Variants in HDAC9 observed in about 807,000 individuals in gnomAD.
HDAC9 encodes the protein histone deacetylase 9.
A neutral mutation model predicts 139.4 loss-of-function variants in HDAC9; 41 were observed. That is an observed-to-expected ratio of 0.29 (90% CI 0.23 to 0.38). The LOEUF (loss-of-function observed/expected upper bound fraction) is 0.38, where lower values mean the gene tolerates loss of function less well. Among genes scored for constraint, HDAC9 ranks in the 10% least tolerant of loss-of-function variants. The pLI, the probability that HDAC9 is intolerant of heterozygous loss-of-function variation, is 1.00. For missense variants in HDAC9, 1,147 were observed against 1,297.0 expected, an observed-to-expected ratio of 0.88 and a Z score of 1.78; for synonymous variants, 517 against 476.2, an observed-to-expected ratio of 1.09 and a Z score of -1.12.
In HDAC9 at chr7:18,972,569, C is replaced by T. The variant is rs528288772; in HGVS notation, c.3023-3237C>T. On this transcript the variant is annotated intron_variant, in intron 24 of 25. Coordinates refer to ENST00000686413, the MANE Select transcript of HDAC9 (RefSeq NM_178425.4). Reference sequence around the variant, plus strand: ...ATATTTTTTGTATTTTCAGTAGAGACGGGATTTCACCGTGTTGGCCAGGCT... The same window carrying T: ...ATATTTTTTGTATTTTCAGTAGAGATGGGATTTCACCGTGTTGGCCAGGCT... Among the ~76,000 whole-genome samples the T allele has an allele frequency of 1.6e-4, 24 of 151,898 alleles. No homozygotes were observed. The South Asian group carries it at 3.8e-3, about 24-fold the overall frequency.
At chr7:18,346,487 C>G (rs1169202194) in intron 1 of HDAC9, among the ~76,000 whole-genome samples, 1 of 151,906 alleles carries the variant, frequency 6.6e-6, no homozygotes, top group Non-Finnish European at 1.5e-5. Context: ...TTTTTCCTTT[C>G]ATTTATGTTG....
chr7:18,435,567 C>G (rs973605226), intron 1 of HDAC9, among the ~76,000 whole-genome samples: 2 of 151,932 alleles, frequency 1.3e-5, no homozygotes, highest in Admixed American at 1.3e-4. Context: ...CCCTAGTTAC[C>G]ATAGTCTACA....
chr7:18,893,050 A>AAAAAG (rs1400914435), intron 22 of HDAC9, among the ~76,000 whole-genome samples: 2 of 149,018 alleles, frequency 1.3e-5, no homozygotes, highest in Middle Eastern at 3.4e-3. Flanking sequence ...AAAAAAAAAA[A>AAAAAG]AAAAGAAAAG....
intron 1 of HDAC9, among the ~76,000 whole-genome samples, chr7:18,150,348 T>C (rs1786681404): frequency 1.3e-5 from 2 of 152,156 alleles, no homozygotes; most frequent in South Asian, 2.1e-4. Flanking sequence ...TAAAATGTTA[T>C]TGCTAGCAAA....
intron 1 of HDAC9, among the ~76,000 whole-genome samples, chr7:18,465,051 G>C (rs1035567486): frequency 6.6e-5 from 10 of 151,998 alleles, no homozygotes; most frequent in Non-Finnish European, 1.2e-4. Context: ...TCTTTCATCA[G>C]TTTTAGTTGC....
chr7:18,691,818 A>G (rs58397191), intron 12 of HDAC9, among the ~76,000 whole-genome samples: 11,925 of 152,100 alleles, frequency 0.078, 822 homozygotes, highest in East Asian at 0.31. Flanking sequence ...GAAACCATCA[A>G]GATTGCCAAT....
chr7:18,793,516 A>T, intron 17 of HDAC9, 64 bp downstream of exon 17: 1 of 1,070,286 alleles, frequency 9.3e-7, no homozygotes, highest in Non-Finnish European at 1.4e-6. Flanking sequence ...AGATGTTGTT[A>T]TGTGGGAATT....
At chr7:18,686,233 C>T (rs115720662) in intron 12 of HDAC9, among the ~76,000 whole-genome samples, 1,648 of 152,028 alleles carry the variant, frequency 0.011, 39 homozygotes, top group African/African-American at 0.037. Context: ...ATCAGAAAAG[C>T]CATTTGCTAC....
At chr7:18,129,246 A>C (rs187294621) in intron 1 of HDAC9, among the ~76,000 whole-genome samples, 235 of 152,226 alleles carry the variant, frequency 1.5e-3, no homozygotes, top group Non-Finnish European at 2.7e-3. Flanking sequence ...CTATTGAAAA[A>C]CAGTTTTTAA....
At chr7:18,290,252 G>A (rs1797720060), upstream of HDAC9, 11 of 321,260 alleles carry the variant, frequency 3.4e-5, no homozygotes, top group South Asian at 3.0e-4. Context: ...ACCAGCTATA[G>A]TAACTGTCTT....
intron 15 of HDAC9, among the ~76,000 whole-genome samples, chr7:18,763,482 T>A (rs1789563361): frequency 6.6e-6 from 1 of 152,162 alleles, no homozygotes; most frequent in Non-Finnish European, 1.5e-5. Flanking sequence ...TAAAAAATAA[T>A]GTATACTATC....
At chr7:18,598,323 G>T (rs748918651) in intron 6 of HDAC9, among the ~76,000 whole-genome samples, 2 of 151,954 alleles carry the variant, frequency 1.3e-5, no homozygotes, top group Non-Finnish European at 2.9e-5. Context: ...ACTCTATCTT[G>T]GTTACATTGT....
At chr7:18,284,714 T>C (rs1797324288) in intron 2 of HDAC9, among the ~76,000 whole-genome samples, 1 of 152,160 alleles carries the variant, frequency 6.6e-6, no homozygotes, top group African/African-American at 2.4e-5. Context: ...TTAGGGTTGT[T>C]GTGAGAACTA....
In HDAC9 at chr7:18,279,519, G is replaced by A. The variant is rs142504749; in HGVS notation, c.25+117170G>A. ...ACTCTTGTTGCCCAGGCTGGAGTGC[G>A]CAGTGGCGTGATCTCAGCTCACTGC... On this transcript the variant is annotated intron_variant, in intron 2 of 12. Coordinates refer to the HDAC9 transcript ENST00000417496. 1.7e-3 allele frequency among the ~76,000 whole-genome samples: 265 copies of A among 151,618 alleles called. 7 individuals are homozygous for A. In the East Asian group the frequency reaches 0.037, roughly 21 times the overall value.
intron 21 of HDAC9, among the ~76,000 whole-genome samples, chr7:18,850,482 T>A (rs545484775): frequency 6.6e-6 from 1 of 152,320 alleles, no homozygotes; most frequent in South Asian, 2.1e-4. Context: ...TTAGTAGATT[T>A]TTTCCTGAGC....
At chr7:18,639,713 A>G (rs535976279) in intron 8 of HDAC9, among the ~76,000 whole-genome samples, 6 of 152,136 alleles carry the variant, frequency 3.9e-5, no homozygotes, top group Admixed American at 2.6e-4. Flanking sequence ...AAACGTGGCT[A>G]TGTTCTTTTT....
intron 2 of HDAC9, among the ~76,000 whole-genome samples, chr7:18,245,858 A>G (rs1344151354): frequency 6.6e-6 from 1 of 152,022 alleles, no homozygotes; most frequent in Non-Finnish European, 1.5e-5. Context: ...AGGAGGCCTG[A>G]TATATATTTT....
intron 22 of HDAC9, among the ~76,000 whole-genome samples, chr7:18,908,511 G>A (rs1192808549): frequency 6.6e-6 from 1 of 151,924 alleles, no homozygotes; most frequent in African/African-American, 2.4e-5. Flanking sequence ...CTGTAATTTT[G>A]TATCTATTAA....
At chr7:18,723,375 A>G (rs1785283957) in intron 12 of HDAC9, among the ~76,000 whole-genome samples, 1 of 152,210 alleles carries the variant, frequency 6.6e-6, no homozygotes, top group South Asian at 2.1e-4. Flanking sequence ...AACTACGGTT[A>G]AGGTGCAAGT....
Sources: gnomAD v4.1 joint callset for allele counts (sites outside exome capture counted in the v4.1 genomes callset) on GRCh38, gnomAD v4.1.1 for gene constraint, MANE v1.5 for transcripts, NCBI Gene and HGNC (gene_info 2026-07-23, HGNC 2026-07-21) for gene names.